Variants in NBEA observed in about 807,000 individuals in gnomAD.
NBEA encodes the protein neurobeachin.
A neutral mutation model predicts 343.4 loss-of-function variants in NBEA; 44 were observed. That is an observed-to-expected ratio of 0.13 (90% CI 0.10 to 0.16). The LOEUF is 0.16. NBEA is among the 10% of genes least tolerant of loss of function. The probability of loss-of-function intolerance (pLI) is 1.00; values close to 1 mark genes in which losing one functional copy is unlikely to be tolerated. For missense variants in NBEA, 2,555 were observed against 3,631.3 expected (o/e 0.70, Z 7.62); for synonymous variants, 1,175 against 1,238.7 (o/e 0.95, Z 1.08).
chr13:35,499,106 A>G (rs988475801), intron 41 of NBEA, among the ~76,000 whole-genome samples: 1 of 152,124 alleles, frequency 6.6e-6, no homozygotes, highest in African/African-American at 2.4e-5. Flanking sequence ...AATGAGAGAA[A>G]ATTGATGTGA....
intron 19 of NBEA, 100 bp from the exon 20 acceptor site, chr13:35,155,983 C>T: frequency 6.8e-7 from 1 of 1,472,436 alleles, no homozygotes; most frequent in Non-Finnish European, 9.3e-7. Flanking sequence ...TTTAACTCAC[C>T]TTTTATAGTG....
intron 35 of NBEA, among the ~76,000 whole-genome samples, chr13:35,293,408 AT>A (rs1205604500): frequency 6.6e-6 from 1 of 151,950 alleles, no homozygotes; most frequent in African/African-American, 2.4e-5. Flanking sequence ...AAGTATATTT[AT>A]TCTTCTTCAC....
rs2075859096 is a variant in NBEA, at chr13:35,476,240, G to A, written c.6585+3704G>A. 4.5e-6 allele frequency: 7 copies of A among 1,559,246 alleles called. No homozygotes were observed. In the South Asian group the frequency reaches 7.8e-5, roughly 17 times the overall value. On this transcript the variant is annotated intron_variant, in intron 41 of 58. Transcript: ENST00000379939. ...GCCAACTTCGGTGGAGAAACGGGCCGCAACACTCAGAAATGGATCAAAAAT... is the reference window on the plus strand; with the variant it reads ...GCCAACTTCGGTGGAGAAACGGGCCACAACACTCAGAAATGGATCAAAAAT...
chr13:35,471,854 G>A (rs2075662036), intron 40 of NBEA, among the ~76,000 whole-genome samples: 1 of 151,496 alleles, frequency 6.6e-6, no homozygotes, highest in African/African-American at 2.4e-5. Context: ...GTATGTGTGT[G>A]TAGCGCGCCT....
intron 34 of NBEA, among the ~76,000 whole-genome samples, chr13:35,257,254 G>A (rs148658757): frequency 3.9e-4 from 60 of 152,314 alleles, no homozygotes; most frequent in African/African-American, 1.4e-3. Context: ...GGCATGTACA[G>A]GTCAAATTGT....
intron 49 of NBEA, among the ~76,000 whole-genome samples, chr13:35,630,946 AC>A (rs755164344): frequency 7.9e-5 from 12 of 152,070 alleles, no homozygotes; most frequent in African/African-American, 2.7e-4. Context: ...CCCACTTCCC[AC>A]CATTCCCCCC....
At chr13:35,044,173 G>A (rs17051824) in intron 2 of NBEA, among the ~76,000 whole-genome samples, 6,486 of 152,186 alleles carry the variant, frequency 0.043, 243 homozygotes, top group African/African-American at 0.097. Flanking sequence ...CTATTAATGT[G>A]TTTAAATTAC....
chr13:35,181,982 G>C (rs117595214), intron 28 of NBEA, among the ~76,000 whole-genome samples: 1 of 151,318 alleles, frequency 6.6e-6, no homozygotes, highest in African/African-American at 2.4e-5. Context: ...TTCAGTTATA[G>C]TATATAAAAC....
At chr13:34,965,784 T>G (rs1414011928) in intron 1 of NBEA, among the ~76,000 whole-genome samples, 1 of 152,000 alleles carries the variant, frequency 6.6e-6, no homozygotes, top group Non-Finnish European at 1.5e-5. Context: ...ATTAAGGTAA[T>G]GCATTAAATG....
In NBEA at chr13:35,196,141, T is replaced by G. The variant is rs758849055; in HGVS notation, c.5205T>G (p.Ile1735Met). The G allele has an allele frequency of 3.7e-6, 6 of 1,613,584 alleles. No homozygotes were observed. The highest frequency in any genetic ancestry group is 5.1e-6 in the Non-Finnish European group (6 of 1,179,762). The change falls in exon 31 of 59, where the codon ATT becomes ATG. Residue 1735 changes from isoleucine (I) to methionine (M), a missense_variant. Transcript: ENST00000379939. ...TLKPATSISS[I>M]SQTKGINVKE... ...AGCCTGCAACATCCATATCTAGCAT[T>G]AGTCAAACCAAAGGCATCAATGTGA...
intron 41 of NBEA, among the ~76,000 whole-genome samples, chr13:35,484,559 G>C (rs903711708): frequency 1.3e-5 from 2 of 151,688 alleles, no homozygotes; most frequent in South Asian, 4.2e-4. Context: ...GTGGTGATCA[G>C]TATTGCAGGC....
intron 1 of NBEA, among the ~76,000 whole-genome samples, chr13:34,957,211 A>G (rs1052864157): frequency 3.9e-5 from 6 of 152,082 alleles, no homozygotes; most frequent in Non-Finnish European, 7.4e-5. Context: ...ACTTCTATGT[A>G]TTGCTCCACA....
intron 17 of NBEA, among the ~76,000 whole-genome samples, chr13:35,124,697 T>C (rs778701573): frequency 2.1e-4 from 32 of 151,560 alleles, no homozygotes; most frequent in African/African-American, 3.9e-4. Context: ...TGGATATATA[T>C]ACACACATAT....
rs117416245 is a variant in NBEA at position 35,524,129 on chromosome 13, G to A, written c.6586-26348G>A. On this transcript the variant is annotated intron_variant, in intron 41 of 58. Transcript: ENST00000379939. ...CTTTGGTAATAAGGTCTTTCTTGGG[G>A]CACTGGAAAGAGGATAATGTAAAGC... Among the ~76,000 whole-genome samples the A allele has an allele frequency of 2.2e-4, 33 of 152,246 alleles. 1 individual carries two copies. In the East Asian group the frequency reaches 6.4e-3, roughly 29 times the overall value.
At chr13:35,502,473 C>G (rs2076923854) in intron 41 of NBEA, among the ~76,000 whole-genome samples, 1 of 150,950 alleles carries the variant, frequency 6.6e-6, no homozygotes, top group African/African-American at 2.4e-5. Flanking sequence ...AAAACTATTC[C>G]TTTTTCTTCA....
intron 40 of NBEA, among the ~76,000 whole-genome samples, chr13:35,455,918 T>C (rs904856975): frequency 1.3e-4 from 20 of 152,032 alleles, no homozygotes; most frequent in African/African-American, 4.8e-4. Context: ...TGTATGTGAG[T>C]GTGTTTGTAG....
intron 34 of NBEA, among the ~76,000 whole-genome samples, chr13:35,261,790 ATT>A (rs2033239420): frequency 1.3e-5 from 2 of 152,182 alleles, no homozygotes; most frequent in South Asian, 4.1e-4. Context: ...TATACATGGA[ATT>A]GGAGTTCAAG....
At chr13:35,197,607 T>C (rs971487919) in intron 31 of NBEA, among the ~76,000 whole-genome samples, 2 of 151,938 alleles carry the variant, frequency 1.3e-5, no homozygotes, top group East Asian at 3.9e-4. Context: ...AACCTCCACC[T>C]CCTGGGTTCA....
At chr13:35,516,374 G>A (rs1202078370) in intron 41 of NBEA, among the ~76,000 whole-genome samples, 8 of 152,188 alleles carry the variant, frequency 5.3e-5, no homozygotes, top group East Asian at 1.9e-4. Context: ...AATGCTACAC[G>A]TATATACCAT....
Sources: allele counts gnomAD v4.1 joint callset (sites outside exome capture counted in the v4.1 genomes callset), GRCh38; gene constraint gnomAD v4.1.1; transcripts MANE v1.5; gene names NCBI Gene and HGNC (gene_info 2026-07-23, HGNC 2026-07-21).